Variants in CUX1 observed in about 807,000 individuals in gnomAD.
CUX1 encodes the protein cut like homeobox 1.
A neutral mutation model predicts 158.8 loss-of-function variants in CUX1; 31 were observed. The observed-to-expected ratio is 0.20, with a 90% CI of 0.15 to 0.26. The LOEUF (loss-of-function observed/expected upper bound fraction) is 0.26, where lower values mean the gene tolerates loss of function less well. CUX1 is among the 10% of genes least tolerant of loss of function. The pLI is 1.00. For missense variants in CUX1, 1,589 were observed against 2,014.6 expected (o/e 0.79, Z 4.04); for synonymous variants, 879 against 862.1 (o/e 1.02, Z -0.34).
chr7:102,219,455 G>T (rs1797597521), intron 20 of CUX1, among the ~76,000 whole-genome samples: 1 of 152,134 alleles, frequency 6.6e-6, no homozygotes, highest in African/African-American at 2.4e-5. Context: ...TAGGTTTGGG[G>T]CTGGCAAGGG....
chr7:101,926,686 G>T (rs952304931), intron 2 of CUX1, among the ~76,000 whole-genome samples: 1 of 152,150 alleles, frequency 6.6e-6, no homozygotes, highest in East Asian at 1.9e-4. Flanking sequence ...GGAGTAGAAC[G>T]CATAACTAGT....
intron 2 of CUX1, among the ~76,000 whole-genome samples, chr7:102,022,026 G>A (rs996662575): frequency 1.3e-5 from 2 of 152,110 alleles, no homozygotes; most frequent in African/African-American, 4.8e-5. Context: ...CCAGCTCTGG[G>A]TCCCTGGCAC....
At chr7:102,150,065 A>T (rs1835464490) in intron 8 of CUX1, among the ~76,000 whole-genome samples, 1 of 152,258 alleles carries the variant, frequency 6.6e-6, no homozygotes, top group Non-Finnish European at 1.5e-5. Context: ...AGCAGGAAGA[A>T]TTAATCTGTA....
intron 14 of CUX1, among the ~76,000 whole-genome samples, chr7:102,263,449 GACT>G (rs1349710332): frequency 2.0e-5 from 3 of 150,096 alleles, no homozygotes; most frequent in Non-Finnish European, 4.4e-5. Flanking sequence ...AAGTAGCTGG[GACT>G]ACAGGTGCAC....
Position 102,222,811 on chromosome 7 carries a change from C to CTTTTTTTTTTTTTTTTTTTTTTTT in CUX1, c.3131-4553_3131-4530dup, listed in dbSNP as rs71123016. 8.6e-4 allele frequency among the ~76,000 whole-genome samples: 22 copies of CTTTTTTTTTTTTTTTTTTTTTTTT among 25,526 alleles called. 7 individuals carry two copies. Among genetic ancestry groups the CTTTTTTTTTTTTTTTTTTTTTTTT allele is most frequent in the African/African-American group, 1.9e-3 (11 of 5,802 alleles). The allele number at this position is 25,526 out of a possible 152,430, so 16.7% of individuals were successfully genotyped here. A position where few individuals can be genotyped will look rare whatever the true frequency, so the allele number is the denominator to read the frequency against. ...GGCTGTGTGTCTCGGGGCACCGTAT[C>CTTTTTTTTTTTTTTTTTTTTTTTT]TTTTTTTTTTTTTTTTTTTTTTTTT... is the stretch of plus-strand genomic sequence containing the variant. On this transcript the variant is annotated intron_variant, in intron 20 of 23. Coordinates refer to ENST00000292535, the MANE Select transcript of CUX1 (RefSeq NM_181552.4).
intron 1 of CUX1, among the ~76,000 whole-genome samples, chr7:101,905,842 A>C (rs1802691151): frequency 6.6e-6 from 1 of 151,736 alleles, no homozygotes; most frequent in African/African-American, 2.4e-5. Flanking sequence ...CGTGCCCAGT[A>C]TTTTCTTTCT....
chr7:102,275,390 C>T (rs1554547544), intron 17 of CUX1: 1 of 1,558,292 alleles, frequency 6.4e-7, no homozygotes, highest in South Asian at 1.1e-5. Flanking sequence ...CCTGATGCTC[C>T]TTGGGCCCAA....
intron 2 of CUX1, among the ~76,000 whole-genome samples, chr7:101,948,308 G>T (rs988924522): frequency 6.6e-6 from 1 of 152,186 alleles, no homozygotes; most frequent in Non-Finnish European, 1.5e-5. Flanking sequence ...GTTGTTGAGG[G>T]TTTTCTAAAA....
chr7:102,019,564 G>T (rs558256007), intron 2 of CUX1, among the ~76,000 whole-genome samples: 1 of 152,202 alleles, frequency 6.6e-6, no homozygotes, highest in South Asian at 2.1e-4. Context: ...TCTTGATCAG[G>T]AACTCAGGGG....
Position 102,189,761 on chromosome 7 carries a change from C to T in CUX1, c.1018-52C>T, listed in dbSNP as rs113843985. On this transcript the variant is annotated intron_variant, in intron 11 of 23. Coordinates refer to ENST00000292535, the MANE Select transcript of CUX1 (RefSeq NM_181552.4). ...CGCAGTGAATGCCGTCGGTGAAGTCCGTCGACCTGTTGTCAGGCATGGCCA... is the reference window on the plus strand; with the variant it reads ...CGCAGTGAATGCCGTCGGTGAAGTCTGTCGACCTGTTGTCAGGCATGGCCA... 905 of 1,596,042 alleles carry T rather than the reference C, an allele frequency of 5.7e-4. 10 individuals are homozygous for T. In the African/African-American group the frequency reaches 0.011, roughly 19 times the overall value.
At chr7:102,004,877 C>T (rs893485447) in intron 2 of CUX1, among the ~76,000 whole-genome samples, 3 of 152,208 alleles carry the variant, frequency 2.0e-5, no homozygotes, top group East Asian at 3.8e-4. Flanking sequence ...TTAGTCTTGA[C>T]GGAGAAAGAG....
chr7:101,920,184 C>T (rs368050272), intron 2 of CUX1, among the ~76,000 whole-genome samples: 32 of 151,364 alleles, frequency 2.1e-4, no homozygotes, highest in African/African-American at 7.3e-4. Flanking sequence ...TGCAGTAGCA[C>T]GATCTTGGCT....
intron 3 of CUX1, among the ~76,000 whole-genome samples, chr7:102,059,846 A>G (rs529868694): frequency 1.2e-4 from 19 of 152,170 alleles, no homozygotes; most frequent in African/African-American, 4.1e-4. Flanking sequence ...TTATTGTCCT[A>G]TAGTCCGACA....
intron 3 of CUX1, 151 bp from the exon 4 acceptor site, chr7:102,070,188 G>A: frequency 3.1e-6 from 2 of 638,370 alleles, no homozygotes; most frequent in South Asian, 3.9e-5. Flanking sequence ...GTCCTTTTGT[G>A]TTTGCAGGCA....
At chr7:102,170,158 T>C (rs1586024829) in intron 9 of CUX1, among the ~76,000 whole-genome samples, 1 of 152,256 alleles carries the variant, frequency 6.6e-6, no homozygotes, top group Admixed American at 6.5e-5. Context: ...TTTCCACTTG[T>C]ATTTATTCAG....
chr7:101,924,354 AAG>A (rs1282213450), intron 2 of CUX1, among the ~76,000 whole-genome samples: 4 of 151,962 alleles, frequency 2.6e-5, no homozygotes, highest in African/African-American at 9.7e-5. Flanking sequence ...AGCCTGGAAA[AAG>A]AGAGTCACTT....
At chr7:101,924,124 C>G (rs1360629731) in intron 2 of CUX1, among the ~76,000 whole-genome samples, 1 of 151,902 alleles carries the variant, frequency 6.6e-6, no homozygotes, top group Non-Finnish European at 1.5e-5. Context: ...CGGGGTAAGC[C>G]AGGAAGCCAC....
intron 2 of CUX1, among the ~76,000 whole-genome samples, chr7:101,941,054 G>C (rs565357491): frequency 6.6e-6 from 1 of 152,170 alleles, no homozygotes; most frequent in Non-Finnish European, 1.5e-5. Flanking sequence ...GCAGGGAGCC[G>C]GGCTTCCTTG....
intron 2 of CUX1, among the ~76,000 whole-genome samples, chr7:101,999,564 G>A (rs1158847585): frequency 6.6e-6 from 1 of 152,148 alleles, no homozygotes; most frequent in African/African-American, 2.4e-5. Context: ...ACTCCTCGAA[G>A]CACCCCACGA....
Sources: gnomAD v4.1 joint callset for allele counts (sites outside exome capture counted in the v4.1 genomes callset) on GRCh38, gnomAD v4.1.1 for gene constraint, MANE v1.5 for transcripts, NCBI Gene and HGNC (gene_info 2026-07-23, HGNC 2026-07-21) for gene names.